RELCH: variants seen among roughly 807,000 people sequenced by gnomAD.
The protein encoded by RELCH is RAB11-binding protein RELCH.
In RELCH, 41 loss-of-function variants were observed where a neutral mutation model predicts 150.3. The observed-to-expected ratio is 0.27, with a 90% CI of 0.21 to 0.35. The LOEUF (loss-of-function observed/expected upper bound fraction) is 0.35. RELCH is among the 10% of genes least tolerant of loss of function. RELCH has a pLI of 1.00. For missense variants in RELCH, 1,092 were observed against 1,467.8 expected (o/e 0.74, Z 4.18); for synonymous variants, 478 against 531.8 (o/e 0.90, Z 1.39).
rs1479373415 is a variant in RELCH at position 62,255,400 on chromosome 18, G to C, written c.1825-7G>C. 2.5e-6 allele frequency: 4 copies of C among 1,593,936 alleles called. No individual in the cohort carries two copies. Among genetic ancestry groups the C allele is most frequent in the Admixed American group, 3.3e-5 (2 of 59,826 alleles). On this transcript the variant is annotated splice_region_variant and splice_polypyrimidine_tract_variant and intron_variant, in intron 12 of 28. Transcript: ENST00000644646. ...TATGCTTGATTTATTTATTTTTTTT[G>C]CTCTAGATTAATCACAAATACCCAG...
intron 27 of RELCH, among the ~76,000 whole-genome samples, chr18:62,292,772 T>A (rs1381931596): frequency 1.3e-5 from 2 of 152,192 alleles, no homozygotes; most frequent in Non-Finnish European, 2.9e-5. Flanking sequence ...GTCTTTCTAA[T>A]CTCTTCCGTT....
chr18:62,271,823 A>G (rs1568413628), intron 20 of RELCH, among the ~76,000 whole-genome samples: 1 of 152,188 alleles, frequency 6.6e-6, no homozygotes, highest in Non-Finnish European at 1.5e-5. Flanking sequence ...CAGTTTTCCC[A>G]GCACCATTTA....
Position 62,187,786 on chromosome 18 carries a change from T to C in RELCH, c.281T>C (p.Ile94Thr), listed in dbSNP as rs2038230826. 2 of 1,605,958 alleles carry C rather than the reference T, an allele frequency of 1.2e-6. No homozygotes were observed. Among genetic ancestry groups the C allele is most frequent in the Non-Finnish European group, 1.7e-6 (2 of 1,175,976 alleles). Residue 94 changes from isoleucine (I) to threonine (T), a missense_variant, in exon 1 of 29, where the codon ATT (isoleucine) becomes ACT (threonine). This residue lies in a region of RELCH where 190 missense variants were observed against 276.2 expected (regional missense o/e 0.69). Coordinates refer to ENST00000644646, the MANE Select transcript of RELCH (RefSeq NM_001346231.2). The stretch of plus-strand genomic sequence containing the variant: ...GGGGAGACCCCGGCCCGATTATCAA[T>C]TGATGCGATCGCTGCTCAGCTGTTG... ...GTGETPARLS[I>T]DAIAAQLLRD...
At position 62,306,196 on chromosome 18, in the gene RELCH, A is replaced by G. The variant is rs2045873550; in HGVS notation, c.*662A>G. On this transcript the variant is annotated 3_prime_UTR_variant, in exon 29 of 29. Coordinates refer to ENST00000644646, the MANE Select transcript of RELCH (RefSeq NM_001346231.2). Reference sequence around the variant, plus strand: ...TGAATATTCTTTAAGTGCTATTTAAACCTCCCCAGCACTTAGATGCATATA... The same window carrying G: ...TGAATATTCTTTAAGTGCTATTTAAGCCTCCCCAGCACTTAGATGCATATA... 1 of 152,276 alleles carries G rather than the reference A, an allele frequency of 6.6e-6. No homozygotes were observed. The highest frequency in any genetic ancestry group is 1.5e-5 in the Non-Finnish European group (1 of 68,002). 9.4% of individuals were successfully genotyped at this position (152,276 alleles called of 1,614,324 possible).
At chr18:62,298,748 C>A in intron 27 of RELCH, 42 bp from the exon 28 acceptor site, 1 of 891,598 alleles carries the variant, frequency 1.1e-6, no homozygotes, top group Non-Finnish European at 1.9e-6. Flanking sequence ...TAGTATTTTA[C>A]TATGTAAACT....
chr18:62,283,816 A>G (rs910559369), intron 25 of RELCH, among the ~76,000 whole-genome samples: 9 of 152,138 alleles, frequency 5.9e-5, no homozygotes, highest in African/African-American at 1.4e-4. Context: ...AGGCAAGGAG[A>G]CCAACTCTTG....
intron 1 of RELCH, among the ~76,000 whole-genome samples, chr18:62,201,845 G>C (rs2039470740): frequency 6.6e-6 from 1 of 152,098 alleles, no homozygotes; most frequent in African/African-American, 2.4e-5. Context: ...GTCGACAGCT[G>C]GTCCGTTTTT....
At chr18:62,221,567 T>TTA in intron 5 of RELCH, 70 bp downstream of exon 5, 3 of 654,138 alleles carry the variant, frequency 4.6e-6, no homozygotes, top group Non-Finnish European at 7.5e-6. Flanking sequence ...TTTACGTAGT[T>TTA]TCTTTTTTTT....
intron 19 of RELCH, among the ~76,000 whole-genome samples, chr18:62,267,406 A>AAT (rs1414965985): frequency 6.7e-6 from 1 of 149,948 alleles, no homozygotes; most frequent in East Asian, 1.9e-4. Context: ...CTATATATAG[A>AAT]ATATATATAT....
At chr18:62,230,235 G>A (rs2041484186) in intron 8 of RELCH, among the ~76,000 whole-genome samples, 1 of 152,038 alleles carries the variant, frequency 6.6e-6, no homozygotes, top group African/African-American at 2.4e-5. Flanking sequence ...GGCTGAGATG[G>A]AAGGATCGCT....
chr18:62,291,225 C>A (rs545409098), intron 26 of RELCH, among the ~76,000 whole-genome samples: 1 of 152,240 alleles, frequency 6.6e-6, no homozygotes, highest in East Asian at 1.9e-4. Context: ...ATACTTTTTT[C>A]ATATTCATTG....
intron 20 of RELCH, chr18:62,269,410 G>C (rs966828946): frequency 2.4e-6 from 1 of 422,888 alleles, no homozygotes; most frequent in Non-Finnish European, 4.7e-6. Flanking sequence ...TTTTTTTTCA[G>C]ATAAAGGAGT....
chr18:62,282,948 G>T (rs756316376), intron 25 of RELCH, among the ~76,000 whole-genome samples: 1 of 152,132 alleles, frequency 6.6e-6, no homozygotes, highest in Non-Finnish European at 1.5e-5. Flanking sequence ...GTGAACCACC[G>T]CACCCGCCCT....
intron 2 of RELCH, among the ~76,000 whole-genome samples, chr18:62,220,524 C>A (rs979907668): frequency 1.3e-5 from 2 of 151,728 alleles, no homozygotes; most frequent in African/African-American, 4.8e-5. Flanking sequence ...TCACTAACGT[C>A]TCTATACGTT....
chr18:62,233,188 A>T (rs1204707834), intron 10 of RELCH, among the ~76,000 whole-genome samples: 2 of 151,672 alleles, frequency 1.3e-5, no homozygotes, highest in African/African-American at 4.8e-5. Context: ...AATCTCATTT[A>T]AATGACAGTG....
intron 28 of RELCH, among the ~76,000 whole-genome samples, chr18:62,299,535 C>G (rs751447282): frequency 3.9e-5 from 6 of 152,126 alleles, no homozygotes; most frequent in Non-Finnish European, 8.8e-5. Flanking sequence ...CGCATACGCT[C>G]CTCCCTATTC....
intron 16 of RELCH, among the ~76,000 whole-genome samples, chr18:62,263,393 A>G (rs1323044477): frequency 2.0e-5 from 3 of 151,716 alleles, no homozygotes; most frequent in African/African-American, 7.3e-5. Flanking sequence ...ATTGTCCTTT[A>G]TTTTTCATTC....
chr18:62,201,574 A>G (rs2039447386), intron 1 of RELCH, among the ~76,000 whole-genome samples: 1 of 152,204 alleles, frequency 6.6e-6, no homozygotes, highest in South Asian at 2.1e-4. Flanking sequence ...GAAAATGCCA[A>G]AAGTAAAAAC....
At chr18:62,199,798 A>C (rs1246295217) in intron 1 of RELCH, among the ~76,000 whole-genome samples, 1 of 152,124 alleles carries the variant, frequency 6.6e-6, no homozygotes, top group African/African-American at 2.4e-5. Flanking sequence ...GCTTGAGTTC[A>C]TATTTCTATT....
Sources: allele counts gnomAD v4.1 joint callset (sites outside exome capture counted in the v4.1 genomes callset), GRCh38; gene constraint gnomAD v4.1.1; regional missense constraint gnomAD v4.1.1; transcripts MANE v1.5; gene names NCBI Gene and HGNC (gene_info 2026-07-23, HGNC 2026-07-21).